Variants in KMT2E observed in about 807,000 individuals in gnomAD.
KMT2E encodes the protein lysine methyltransferase 2E (inactive), also known as histone reader KMT2E.
In KMT2E, 30 loss-of-function variants were observed where a neutral mutation model predicts 184.6. The observed-to-expected ratio is 0.16, with a 90% CI of 0.12 to 0.22. The LOEUF is 0.22. Ranked by LOEUF, KMT2E falls within the 10% of genes least tolerant of loss-of-function variation. The pLI is 1.00. For synonymous variants in KMT2E, 815 were observed against 776.5 expected (o/e 1.05, Z -0.82); for missense variants, 2,023 against 2,237.4 (o/e 0.90, Z 1.93).
At chr7:105,098,339 A>G (rs927300119) in intron 15 of KMT2E, among the ~76,000 whole-genome samples, 1 of 151,700 alleles carries the variant, frequency 6.6e-6, no homozygotes, top group Non-Finnish European at 1.5e-5. Context: ...TCCTGGACTC[A>G]AGCAATCCTC....
At chr7:105,057,273 G>A (rs1469541247) in intron 3 of KMT2E, among the ~76,000 whole-genome samples, 2 of 152,164 alleles carry the variant, frequency 1.3e-5, no homozygotes, top group African/African-American at 2.4e-5. Context: ...GATTCTAAAT[G>A]TAAGATAAAA....
chr7:105,097,673 C>T (rs1798469497), intron 15 of KMT2E, among the ~76,000 whole-genome samples: 1 of 152,174 alleles, frequency 6.6e-6, no homozygotes, highest in South Asian at 2.1e-4. Context: ...CACGCGTGAG[C>T]CACTGTGCCC....
intron 3 of KMT2E, among the ~76,000 whole-genome samples, chr7:105,054,498 A>G (rs573625920): frequency 2.0e-5 from 3 of 148,560 alleles, no homozygotes; most frequent in Non-Finnish European, 4.5e-5. Flanking sequence ...CTATCTATCT[A>G]TCTATCTATC....
rs1225350166 is a variant in KMT2E at position 105,076,977 on chromosome 7, G to A, written c.783G>A (p.Glu261=). 4 of 1,612,640 alleles carry A rather than the reference G, an allele frequency of 2.5e-6. No individual in the cohort carries two copies. Among genetic ancestry groups the A allele is most frequent in the Middle Eastern group, 1.7e-4 (1 of 6,054 alleles). ...TATGATTTTAGGGTTCAGCTCCAGA[G>A]ATTGATCCTTCATCTGATGGTTCAA... ...KSSRVKGSAP[E]IDPSSDGSNF... Residue 261 remains glutamate, a synonymous_variant, in exon 10 of 27, where the codon GAG becomes GAA. Transcript: ENST00000311117.
At position 105,108,677 on chromosome 7, in the gene KMT2E, T is replaced by C. The variant is rs1294185597; in HGVS notation, c.3469-265T>C. 13 of 448,856 alleles carry C rather than the reference T, an allele frequency of 2.9e-5. No individual in the cohort carries two copies. The Admixed American group carries it at 3.5e-4, about 12-fold the overall frequency. 27.8% of individuals were successfully genotyped at this position (448,856 alleles called of 1,614,324 possible). A position where few individuals can be genotyped will look rare whatever the true frequency, so the allele number is the denominator to read the frequency against. ...ACCTTGAGTGAGTGAGTTACTCAAT[T>C]TCCTCATCTATAAAATGGGGATGAT... On this transcript the variant is annotated intron_variant, in intron 22 of 26. Transcript: ENST00000311117.
At chr7:105,064,160 CTTGGTTT>C in intron 5 of KMT2E, 2 of 43,430 alleles carry the variant, frequency 4.6e-5, no homozygotes, top group South Asian at 3.5e-4. Context: ...ATTTTTTTTT[CTTGGTTT>C]TTTTTTTTTT....
chr7:105,066,828 A>T (rs368908034), intron 6 of KMT2E, 21 bp downstream of exon 6: 7 of 1,506,324 alleles, frequency 4.6e-6, no homozygotes, highest in South Asian at 1.1e-5. Context: ...CATATCTGAT[A>T]ACATTGCCAG....
chr7:105,040,423 G>A (rs1459921557), intron 2 of KMT2E, among the ~76,000 whole-genome samples: 1 of 152,098 alleles, frequency 6.6e-6, no homozygotes, highest in Non-Finnish European at 1.5e-5. Flanking sequence ...GAATTAGGAG[G>A]ATTAAATAGA....
chr7:105,060,674 G>A (rs1013196915), intron 3 of KMT2E, among the ~76,000 whole-genome samples: 98 of 151,914 alleles, frequency 6.5e-4, no homozygotes, highest in Admixed American at 5.2e-3. Flanking sequence ...GGCTTCAAGT[G>A]ACCCTCCTGT....
intron 23 of KMT2E, 41 bp downstream of exon 23, chr7:105,109,269 C>T (rs750385926): frequency 6.3e-7 from 1 of 1,580,436 alleles, no homozygotes; most frequent in Admixed American, 1.7e-5. Flanking sequence ...AAAAAACAAG[C>T]TTTTGTTCAA....
rs541275939 is a variant in KMT2E at position 105,077,152 on chromosome 7, G to A, written c.958G>A (p.Asp320Asn). 3 of 1,613,974 alleles carry A rather than the reference G, an allele frequency of 1.9e-6. No individual in the cohort carries two copies. The highest frequency in any genetic ancestry group is 1.7e-5 in the Admixed American group (1 of 60,012). ...GNDKKEMNKS[D>N]LNTNNLLFKP... ...TGACAAAAAAGAGATGAATAAATCCGATTTGAATACCAACAATTTGCTCTT... is the reference window on the plus strand; with the variant it reads ...TGACAAAAAAGAGATGAATAAATCCAATTTGAATACCAACAATTTGCTCTT... The change falls in exon 10 of 27, where the codon GAT becomes AAT. Residue 320 changes from aspartate (D) to asparagine (N), a missense_variant. Asp to Asn is a conservative substitution (Grantham distance 23). Around this residue, in one of 8 missense-constraint regions of KMT2E, gnomAD observed 191 missense variants for 209.0 expected, o/e 0.91. Transcript: ENST00000311117.
intron 13 of KMT2E, among the ~76,000 whole-genome samples, chr7:105,083,720 C>T (rs1182945526): frequency 6.6e-6 from 1 of 151,218 alleles, no homozygotes; most frequent in Non-Finnish European, 1.5e-5. Context: ...TTATGACTTT[C>T]CCCCCCCAGA....
intron 15 of KMT2E, among the ~76,000 whole-genome samples, chr7:105,097,899 AAAG>A (rs1234485151): frequency 6.6e-6 from 1 of 152,316 alleles, no homozygotes; most frequent in African/African-American, 2.4e-5. Flanking sequence ...TCGGATGAGC[AAAG>A]AAGGAAAGGT....
Position 105,112,390 on chromosome 7 carries a change from C to A in KMT2E, c.4634C>A (p.Pro1545His). 6.2e-7 allele frequency: 1 copy of A among 1,613,022 alleles called. No homozygotes were observed. The highest frequency in any genetic ancestry group is 1.3e-5 in the African/African-American group (1 of 75,010). The change falls in exon 27 of 27, where the codon CCC becomes CAC. Residue 1545 changes from proline to histidine, a missense_variant. Pro to His is a moderately conservative substitution (Grantham distance 77). Around this residue, in one of 8 missense-constraint regions of KMT2E, gnomAD observed 1,108 missense variants for 1,050.9 expected, o/e 1.05. Transcript: ENST00000311117. ...NQQSLNSTAP[P>H]PPPPPPPSSS... ...CAAAGTCTGAACAGCACGGCACCAC[C>A]CCCTCCACCTCCTCCACCTCCTTCT...
At chr7:105,028,989 G>T (rs1324967100) in intron 1 of KMT2E, among the ~76,000 whole-genome samples, 1 of 152,108 alleles carries the variant, frequency 6.6e-6, no homozygotes, top group Non-Finnish European at 1.5e-5. Flanking sequence ...CTAAGGCCGG[G>T]CACGGTGGCT....
chr7:105,109,236 C>T lies in KMT2E; in HGVS notation c.3755+8C>T, dbSNP rs1402415513. ...TGAACCAGAAGTTCAATGGTAAGCC[C>T]ATTGTGAAGTATGCTACTCTGGAAA... On this transcript the variant is annotated splice_region_variant and intron_variant, in intron 23 of 26. Coordinates refer to ENST00000311117, the MANE Select transcript of KMT2E (RefSeq NM_182931.3). The T allele has an allele frequency of 6.2e-7, 1 of 1,612,210 alleles. No homozygotes were observed.
intron 3 of KMT2E, among the ~76,000 whole-genome samples, chr7:105,058,226 T>C (rs1220313330): frequency 6.6e-6 from 1 of 152,220 alleles, no homozygotes; most frequent in Non-Finnish European, 1.5e-5. Flanking sequence ...TTTCCTTTTC[T>C]CTTTTTCTAT....
chr7:105,101,302 A>G (rs1476357021), intron 15 of KMT2E, 123 bp from the exon 16 acceptor site: 1 of 594,020 alleles, frequency 1.7e-6, no homozygotes, highest in Non-Finnish European at 2.7e-6. Flanking sequence ...ATCCACCAAT[A>G]ATAGAAGTAG....
At chr7:105,103,674 G>T (rs1450427570) in intron 17 of KMT2E, 1 of 151,970 alleles carries the variant, frequency 6.6e-6, no homozygotes, top group Non-Finnish European at 1.5e-5. Flanking sequence ...TACAGAGAGG[G>T]ACAGAAAAGA....
Sources: allele counts gnomAD v4.1 joint callset (sites outside exome capture counted in the v4.1 genomes callset), GRCh38; gene constraint gnomAD v4.1.1; regional missense constraint gnomAD v4.1.1; transcripts MANE v1.5; gene names NCBI Gene and HGNC (gene_info 2026-07-23, HGNC 2026-07-21).